The following NFYC variants were observed in gnomAD, a reference collection of about 807,000 sequenced individuals.
NFYC encodes the protein nuclear transcription factor Y subunit gamma, also known as CAAT box DNA-binding protein subunit C.
In NFYC, 25 loss-of-function variants were observed where a neutral mutation model predicts 53.1. That is an observed-to-expected ratio of 0.47 (90% confidence interval 0.34 to 0.66). NFYC has a LOEUF of 0.66. Ranked by LOEUF, NFYC falls within the 30% of genes least tolerant of loss-of-function variation. NFYC has a pLI of 0.01. For missense variants in NFYC, 260 were observed against 422.7 expected (o/e 0.62, Z 3.38); for synonymous variants, 145 against 152.6 (o/e 0.95, Z 0.37).
intron 2 of NFYC, among the ~76,000 whole-genome samples, chr1:40,745,652 C>T (rs1257961602): frequency 1.3e-5 from 2 of 152,106 alleles, no homozygotes; most frequent in Non-Finnish European, 2.9e-5. Flanking sequence ...TCCCAGCATC[C>T]CTTAGACACA....
At chr1:40,702,113 A>G (rs748569512) in intron 1 of NFYC, among the ~76,000 whole-genome samples, 4 of 152,220 alleles carry the variant, frequency 2.6e-5, no homozygotes, top group Non-Finnish European at 5.9e-5. Flanking sequence ...TCTTTGCAGA[A>G]TAATTTCCCA....
chr1:40,717,256 G>A (rs1489722621), intron 1 of NFYC, among the ~76,000 whole-genome samples: 1 of 152,168 alleles, frequency 6.6e-6, no homozygotes, highest in Non-Finnish European at 1.5e-5. Context: ...AAATGAGCAT[G>A]GTAGAGTCCT....
At chr1:40,700,635 C>T (rs933892012) in intron 1 of NFYC, among the ~76,000 whole-genome samples, 3 of 152,018 alleles carry the variant, frequency 2.0e-5, no homozygotes, top group Non-Finnish European at 2.9e-5. Context: ...TGTAAGCTAC[C>T]GTACCTGGCT....
chr1:40,706,189 A>G (rs1402290453), intron 1 of NFYC, among the ~76,000 whole-genome samples: 5 of 148,628 alleles, frequency 3.4e-5, no homozygotes. Flanking sequence ...AAAGAGTACC[A>G]CTCTCGGTGG....
intron 5 of NFYC, among the ~76,000 whole-genome samples, chr1:40,753,531 A>T (rs1646031581): frequency 6.6e-6 from 1 of 152,262 alleles, no homozygotes; most frequent in Non-Finnish European, 1.5e-5. Flanking sequence ...GAAGTCTATC[A>T]GAGCTCTTCA....
At chr1:40,727,752 C>CA (rs920278970) in intron 1 of NFYC, among the ~76,000 whole-genome samples, 1 of 151,572 alleles carries the variant, frequency 6.6e-6, no homozygotes, top group African/African-American at 2.4e-5. Flanking sequence ...CGGCTGGTCT[C>CA]AAACTCATGA....
chr1:40,767,475 G>T (rs957361456), intron 8 of NFYC, among the ~76,000 whole-genome samples: 1 of 152,114 alleles, frequency 6.6e-6, no homozygotes, highest in African/African-American at 2.4e-5. Flanking sequence ...AGGCTTCTGA[G>T]TTCCATATAG....
chr1:40,713,114 A>C (rs537010293), intron 1 of NFYC, among the ~76,000 whole-genome samples: 1 of 152,346 alleles, frequency 6.6e-6, no homozygotes, highest in South Asian at 2.1e-4. Context: ...CCTTTCTAAC[A>C]TAATTGGTGG....
At chr1:40,760,656 G>A (rs1169813930) in intron 6 of NFYC, among the ~76,000 whole-genome samples, 1 of 151,750 alleles carries the variant, frequency 6.6e-6, no homozygotes, top group Non-Finnish European at 1.5e-5. Context: ...GGAGGCGGAT[G>A]TTGCAGTAAG....
intron 2 of NFYC, among the ~76,000 whole-genome samples, chr1:40,742,150 A>G (rs1356223339): frequency 6.6e-6 from 1 of 151,150 alleles, no homozygotes; most frequent in African/African-American, 2.4e-5. Flanking sequence ...GCCTCAAGCA[A>G]TCCTCTTGCC....
At chr1:40,745,141 T>C (rs1035620343) in intron 2 of NFYC, among the ~76,000 whole-genome samples, 3 of 152,232 alleles carry the variant, frequency 2.0e-5, no homozygotes, top group Admixed American at 6.5e-5. Flanking sequence ...TCCTTGACTT[T>C]TGTTGCTTTT....
intron 5 of NFYC, among the ~76,000 whole-genome samples, chr1:40,753,762 C>T (rs553853701): frequency 9.2e-5 from 14 of 152,206 alleles, no homozygotes; most frequent in Non-Finnish European, 1.5e-4. Flanking sequence ...TCAGCTGAAT[C>T]AGAATCTCAT....
intron 1 of NFYC, among the ~76,000 whole-genome samples, chr1:40,736,065 T>G (rs1199739627): frequency 6.6e-6 from 1 of 152,188 alleles, no homozygotes; most frequent in Admixed American, 6.5e-5. Context: ...AACACTTCCC[T>G]TTAACTCCCT....
chr1:40,770,840 G>C lies in NFYC; in HGVS notation c.*12G>C. ...TGACCGGCGACTGAGGGCCTGAGCT[G>C]GCAAGGCCAAGGACACCCAACACAA... On this transcript the variant is annotated 3_prime_UTR_variant, in exon 10 of 10. Transcript: ENST00000447388. This position sits in a 1 kb window ranked among gnomAD's most constrained non-coding sequence, Gnocchi z 5.3. The C allele has an allele frequency of 4.4e-6, 7 of 1,605,864 alleles. No individual in the cohort carries two copies. The highest frequency in any genetic ancestry group is 5.9e-6 in the Non-Finnish European group (7 of 1,179,828).
intron 2 of NFYC, among the ~76,000 whole-genome samples, chr1:40,739,246 C>T (rs960394499): frequency 1.3e-5 from 2 of 152,204 alleles, no homozygotes; most frequent in African/African-American, 4.8e-5. Context: ...ACAGAGATCT[C>T]ATCTTCCTTC....
At chr1:40,703,946 C>A (rs1643568024) in intron 1 of NFYC, among the ~76,000 whole-genome samples, 1 of 152,176 alleles carries the variant, frequency 6.6e-6, no homozygotes, top group South Asian at 2.1e-4. Flanking sequence ...CAATATGCAG[C>A]TAGTAAGCAG....
chr1:40,698,401 T>C (rs1643263736), intron 1 of NFYC, among the ~76,000 whole-genome samples: 1 of 151,840 alleles, frequency 6.6e-6, no homozygotes, highest in Non-Finnish European at 1.5e-5. Flanking sequence ...GTACTATATA[T>C]AAGGTGTCCT....
intron 1 of NFYC, among the ~76,000 whole-genome samples, chr1:40,711,221 A>T (rs918185483): frequency 1.3e-5 from 2 of 152,182 alleles, no homozygotes; most frequent in Non-Finnish European, 2.9e-5. Context: ...TGTATTTGTG[A>T]AAGTTTTGGG....
At chr1:40,722,262 CATT>C (rs1644356192) in intron 1 of NFYC, among the ~76,000 whole-genome samples, 1 of 152,040 alleles carries the variant, frequency 6.6e-6, no homozygotes, top group African/African-American at 2.4e-5. Context: ...AGCTATTGAT[CATT>C]GACACACCCA....
Sources: gnomAD v4.1 joint callset for allele counts (sites outside exome capture counted in the v4.1 genomes callset) on GRCh38, gnomAD v4.1.1 for gene constraint, Gnocchi (gnomAD v3.1) non-coding constraint, MANE v1.5 for transcripts, NCBI Gene and HGNC (gene_info 2026-07-23, HGNC 2026-07-21) for gene names.